Variants in EPHA6 observed in about 807,000 individuals in gnomAD.
EPHA6 encodes ephrin type-A receptor 6.
EPHA6 carries 50 observed loss-of-function variants against 112.0 expected under a neutral mutation model. The observed-to-expected ratio is 0.45, with a 90% CI of 0.36 to 0.56. EPHA6 has a LOEUF of 0.56. Among genes scored for constraint, EPHA6 ranks in the 20% least tolerant of loss-of-function variants. The pLI is 0.00. For missense variants in EPHA6, 1,280 were observed against 1,417.4 expected (o/e 0.90, Z 1.56); for synonymous variants, 529 against 490.7 (o/e 1.08, Z -1.03).
In EPHA6 at chr3:97,582,030, A is replaced by AT. The variant is rs544013459; in HGVS notation, c.2387-10572dup. Among the ~76,000 whole-genome samples, 376 of 149,100 alleles carry AT rather than the reference A, an allele frequency of 2.5e-3. 1 individual carries two copies. The highest frequency in any genetic ancestry group is 4.1e-3 in the Non-Finnish European group (272 of 66,936). On this transcript the variant is annotated intron_variant, in intron 11 of 17. Transcript: ENST00000389672. ...TTTATTTTTATTTTTATTTCATTTT[A>AT]TTTTTTTTTTGAGACAGAGTTTTGC...
intron 3 of EPHA6, among the ~76,000 whole-genome samples, chr3:97,173,240 G>A (rs758005067): frequency 8.6e-5 from 13 of 151,710 alleles, no homozygotes; most frequent in Non-Finnish European, 1.8e-4. Context: ...TGGCATGCTA[G>A]CATATTTTAG....
At chr3:97,065,055 T>C (rs6438922) in intron 3 of EPHA6, among the ~76,000 whole-genome samples, 22,742 of 152,076 alleles carry the variant, frequency 0.15, 3,065 homozygotes, top group African/African-American at 0.36. Context: ...AAAATATATA[T>C]CTGCTATGAA....
chr3:96,850,471 A>G (rs368386994), intron 1 of EPHA6, among the ~76,000 whole-genome samples: 1 of 152,244 alleles, frequency 6.6e-6, no homozygotes, highest in South Asian at 2.1e-4. Context: ...TGTGATCTTA[A>G]GACGTGAGGA....
chr3:96,945,265 C>G (rs994388302), intron 2 of EPHA6, among the ~76,000 whole-genome samples: 2 of 152,142 alleles, frequency 1.3e-5, no homozygotes, highest in Non-Finnish European at 2.9e-5. Flanking sequence ...ATATTCACCT[C>G]CATGCCCAAT....
intron 3 of EPHA6, among the ~76,000 whole-genome samples, chr3:97,055,803 T>C (rs2045832981): frequency 6.6e-6 from 1 of 152,144 alleles, no homozygotes; most frequent in African/African-American, 2.4e-5. Context: ...AAATAATGTA[T>C]TTCCTAGGGG....
chr3:97,690,683 G>A (rs536484637), intron 14 of EPHA6, among the ~76,000 whole-genome samples: 2 of 152,086 alleles, frequency 1.3e-5, no homozygotes, highest in African/African-American at 4.8e-5. Flanking sequence ...GACCAGGCCG[G>A]TCTCGAACTC....
At chr3:97,051,373 G>A (rs1375700745) in intron 3 of EPHA6, among the ~76,000 whole-genome samples, 2 of 152,092 alleles carry the variant, frequency 1.3e-5, no homozygotes, top group Non-Finnish European at 2.9e-5. Context: ...AATTTGTGGT[G>A]CTTAAGACTT....
In EPHA6 at chr3:96,987,325, T is replaced by G. The variant is rs770397731; in HGVS notation, c.451-5T>G. ...TCACTTAATTACTTTTTTCCCTTTT[T>G]GCAGTGGGATGCCATCACTGAAATG... On this transcript the variant is annotated splice_polypyrimidine_tract_variant and splice_region_variant and intron_variant, in intron 2 of 17. Coordinates refer to ENST00000389672, the MANE Select transcript of EPHA6 (RefSeq NM_001080448.3). 2.0e-5 allele frequency: 32 copies of G among 1,580,446 alleles called. No individual in the cohort carries two copies. The highest frequency in any genetic ancestry group is 2.4e-5 in the Non-Finnish European group (28 of 1,158,582).
At chr3:97,341,628 C>T (rs775985187) in intron 5 of EPHA6, among the ~76,000 whole-genome samples, 17 of 152,140 alleles carry the variant, frequency 1.1e-4, no homozygotes, top group Non-Finnish European at 1.9e-4. Context: ...GCTGGGATTA[C>T]TCCTTCACTG....
At chr3:97,530,017 C>CCATAATCATA (rs2092677776) in intron 10 of EPHA6, among the ~76,000 whole-genome samples, 1 of 151,886 alleles carries the variant, frequency 6.6e-6, no homozygotes, top group Non-Finnish European at 1.5e-5. Flanking sequence ...TTATGGGCTC[C>CCATAATCATA]TGGTGGGTGA....
rs113939731 is a variant in EPHA6, at chr3:96,995,439, G to A, written c.1114+7446G>A. On this transcript the variant is annotated intron_variant, in intron 3 of 17. Transcript: ENST00000389672. ...ATAACCTTCAATTCCAAACAAAGCA[G>A]CTTTTTCATGAAGCAATTCCAGACT... 5.0e-3 allele frequency among the ~76,000 whole-genome samples: 767 copies of A among 152,166 alleles called. 6 individuals are homozygous for A. Among genetic ancestry groups the A allele is most frequent in the African/African-American group, 0.017 (695 of 41,514 alleles).
chr3:97,416,602 C>T (rs2088143681), intron 6 of EPHA6, among the ~76,000 whole-genome samples: 1 of 152,060 alleles, frequency 6.6e-6, no homozygotes, highest in Non-Finnish European at 1.5e-5. Flanking sequence ...GAGCCTGAAA[C>T]AGTGAGCAGA....
chr3:97,481,403 G>A, intron 9 of EPHA6: 1 of 1,459,500 alleles, frequency 6.9e-7, no homozygotes, highest in Non-Finnish European at 9.6e-7. Flanking sequence ...TTTGCTGTGG[G>A]TTTTATCTGT....
intron 5 of EPHA6, among the ~76,000 whole-genome samples, chr3:97,271,496 TAC>T (rs1232651955): frequency 1.3e-5 from 2 of 152,164 alleles, no homozygotes; most frequent in Non-Finnish European, 2.9e-5. Context: ...TAATTATGAT[TAC>T]AGGCACGCAC....
chr3:97,737,175 A>G (rs1271352848), intron 16 of EPHA6, among the ~76,000 whole-genome samples: 1 of 152,126 alleles, frequency 6.6e-6, no homozygotes, highest in East Asian at 1.9e-4. Flanking sequence ...AGGAAGCAGT[A>G]AAGGAAGGAA....
At chr3:97,448,875 A>G (rs1577445241) in intron 7 of EPHA6, 145 bp downstream of exon 7, 2 of 740,066 alleles carry the variant, frequency 2.7e-6, no homozygotes, top group Admixed American at 5.4e-5. Flanking sequence ...CAGTCATTTC[A>G]GTTAATATTT....
chr3:97,208,278 GTTGATCAAAGTT>G, intron 3 of EPHA6, among the ~76,000 whole-genome samples: 1 of 152,242 alleles, frequency 6.6e-6, no homozygotes, highest in South Asian at 2.1e-4. Context: ...CCAATGAAAT[GTTGATCAAAGTT>G]TTGGCAAGCT....
At chr3:97,533,241 C>T (rs910737703) in intron 11 of EPHA6, among the ~76,000 whole-genome samples, 1 of 151,816 alleles carries the variant, frequency 6.6e-6, no homozygotes, top group Non-Finnish European at 1.5e-5. Context: ...ATATAAAATC[C>T]AATACAGATT....
At chr3:97,045,546 T>G (rs1231320119) in intron 3 of EPHA6, among the ~76,000 whole-genome samples, 1 of 151,980 alleles carries the variant, frequency 6.6e-6, no homozygotes, top group Admixed American at 6.6e-5. Context: ...AAAGGTTGAT[T>G]GTTCCTTTTC....
Sources: allele counts gnomAD v4.1 joint callset (sites outside exome capture counted in the v4.1 genomes callset), GRCh38; gene constraint gnomAD v4.1.1; transcripts MANE v1.5; gene names NCBI Gene and HGNC (gene_info 2026-07-23, HGNC 2026-07-21).